Variants in SOX5 observed in about 807,000 individuals in gnomAD.
The protein encoded by SOX5 is SRY-box transcription factor 5, also known as transcription factor SOX-5.
SOX5 carries 9 observed loss-of-function variants against 92.0 expected under a neutral mutation model. The ratio of observed to expected loss-of-function variants is 0.10; its 90% CI spans 0.06 to 0.17. The LOEUF is 0.17. Ranked by LOEUF, SOX5 falls within the 10% of genes least tolerant of loss-of-function variation. The probability of loss-of-function intolerance (pLI) is 1.00; values close to 1 mark genes in which losing one functional copy is unlikely to be tolerated. For missense variants in SOX5, 642 were observed against 944.5 expected (o/e 0.68, Z 4.20); for synonymous variants, 344 against 336.3 (o/e 1.02, Z -0.25).
chr12:23,990,330 T>C (rs1377307406), intron 4 of SOX5, among the ~76,000 whole-genome samples: 1 of 152,134 alleles, frequency 6.6e-6, no homozygotes, highest in African/African-American at 2.4e-5. Flanking sequence ...ATCCACAGAA[T>C]CATGTCTAAA....
intron 1 of SOX5, among the ~76,000 whole-genome samples, chr12:24,456,211 T>G (rs1943003285): frequency 6.6e-6 from 1 of 152,160 alleles, no homozygotes; most frequent in South Asian, 2.1e-4. Flanking sequence ...CAAGAACAGT[T>G]AAACAATTTC....
intron 4 of SOX5, among the ~76,000 whole-genome samples, chr12:24,195,010 G>A (rs1006968582): frequency 6.6e-6 from 1 of 152,004 alleles, no homozygotes; most frequent in Admixed American, 6.6e-5. Context: ...ATATTGTGGG[G>A]CTGGCATTAG....
At chr12:24,561,705 G>A (rs892188394) in intron 1 of SOX5, among the ~76,000 whole-genome samples, 3 of 132,166 alleles carry the variant, frequency 2.3e-5, no homozygotes, top group Non-Finnish European at 4.6e-5. Context: ...GATGAGACTT[G>A]TTTCAGAAAT....
chr12:23,668,266 T>C (rs1167210443), intron 6 of SOX5, among the ~76,000 whole-genome samples: 1 of 152,182 alleles, frequency 6.6e-6, no homozygotes, highest in East Asian at 1.9e-4. Context: ...AAGTTATATA[T>C]TGATTAGCTG....
At chr12:24,394,372 T>C (rs1009365368) in intron 1 of SOX5, among the ~76,000 whole-genome samples, 5 of 152,182 alleles carry the variant, frequency 3.3e-5, no homozygotes, top group Admixed American at 3.3e-4. Context: ...TCAGGAATCA[T>C]TGCAGAGGCT....
chr12:23,543,444 G>C, intron 12 of SOX5, 60 bp from the exon 13 acceptor site: 1 of 1,317,996 alleles, frequency 7.6e-7, no homozygotes, highest in Non-Finnish European at 1.1e-6. Context: ...TCTTTTCCTT[G>C]CATTCCTATT....
intron 2 of SOX5, among the ~76,000 whole-genome samples, chr12:24,340,970 G>A (rs772684109): frequency 1.1e-4 from 17 of 152,278 alleles, no homozygotes; most frequent in East Asian, 5.8e-4. Flanking sequence ...TACTCTGTGC[G>A]TCTAGCTCTA....
chr12:24,164,119 A>G (rs906857744), intron 4 of SOX5, among the ~76,000 whole-genome samples: 6 of 152,086 alleles, frequency 3.9e-5, no homozygotes, highest in African/African-American at 1.4e-4. Flanking sequence ...GAAATATTCC[A>G]TAAGTTTGTA....
chr12:23,817,507 T>C (rs982321341), intron 3 of SOX5, among the ~76,000 whole-genome samples: 1 of 152,196 alleles, frequency 6.6e-6, no homozygotes, highest in Admixed American at 6.5e-5. Context: ...AATATCCAGA[T>C]AAGCTGGCAT....
intron 3 of SOX5, among the ~76,000 whole-genome samples, chr12:23,804,250 T>C (rs139745867): frequency 6.6e-6 from 1 of 152,154 alleles, no homozygotes; most frequent in African/African-American, 2.4e-5. Flanking sequence ...GGCTGCATCA[T>C]ATTAACGTGA....
rs1417439387 is a variant in SOX5, at chr12:24,393,671, T to C, written c.-250-25032A>G. Among the ~76,000 whole-genome samples the C allele has an allele frequency of 6.6e-6, 1 of 152,224 alleles. No individual in the cohort carries two copies. Among genetic ancestry groups the C allele is most frequent in the Non-Finnish European group, 1.5e-5 (1 of 68,038 alleles). On this transcript the variant is annotated intron_variant, in intron 1 of 4. Coordinates refer to the SOX5 transcript ENST00000446891. This position sits in a 1 kb window ranked among gnomAD's most constrained non-coding sequence, Gnocchi z 5.0. ...TGGCCCTTGTCATGGAAACTAGTGC[T>C]TAATGTAGAAATTATTAAAATTTGG...
intron 8 of SOX5, among the ~76,000 whole-genome samples, chr12:23,618,938 A>C (rs1216624200): frequency 6.6e-6 from 1 of 152,158 alleles, no homozygotes; most frequent in Non-Finnish European, 1.5e-5. Flanking sequence ...TCCAAGGCCA[A>C]GGGTTAAAGG....
At position 23,837,321 on chromosome 12, in the gene SOX5, A is replaced by G. The variant is rs1407726259; in HGVS notation, c.481+8662T>C. Among the ~76,000 whole-genome samples the G allele has an allele frequency of 7.1e-4, 66 of 92,940 alleles. 2 individuals are homozygous for G. The highest frequency in any genetic ancestry group is 1.3e-3 in the African/African-American group (28 of 22,128). The allele number at this position is 92,940 out of a possible 152,430, so 61.0% of individuals were successfully genotyped here. ...TAATATATAAGATATATTTATATTT[A>G]TATAATATATAAGATATATTTATAT... On this transcript the variant is annotated intron_variant, in intron 3 of 14. Coordinates refer to ENST00000451604, the MANE Select transcript of SOX5 (RefSeq NM_006940.6).
chr12:24,304,258 T>A (rs1225256733), intron 2 of SOX5, among the ~76,000 whole-genome samples: 1 of 152,122 alleles, frequency 6.6e-6, no homozygotes, highest in Admixed American at 6.5e-5. Context: ...ATACAATTCT[T>A]CTAAGAAATG....
At chr12:23,574,420 A>T (rs1248732742) in intron 10 of SOX5, among the ~76,000 whole-genome samples, 2 of 152,072 alleles carry the variant, frequency 1.3e-5, no homozygotes. Context: ...CTCCCCTTTC[A>T]TTGTTAATAG....
chr12:23,899,409 G>GA (rs754805392), intron 1 of SOX5, among the ~76,000 whole-genome samples: 19,722 of 119,942 alleles, frequency 0.16, 2,086 homozygotes, highest in East Asian at 0.54. Context: ...TGAAAAAAAA[G>GA]AAAAAAAAAA....
At chr12:24,075,833 C>T (rs1942512657) in intron 4 of SOX5, among the ~76,000 whole-genome samples, 1 of 152,104 alleles carries the variant, frequency 6.6e-6, no homozygotes, top group Admixed American at 6.6e-5. Flanking sequence ...AGTAAAATCA[C>T]AGTAACACAT....
At chr12:24,389,681 A>G (rs1958793008) in intron 1 of SOX5, among the ~76,000 whole-genome samples, 1 of 152,220 alleles carries the variant, frequency 6.6e-6, no homozygotes. Context: ...TCTGCTATGA[A>G]CACTGTATAT....
At chr12:24,004,103 C>A (rs907120405) in intron 4 of SOX5, among the ~76,000 whole-genome samples, 1 of 151,424 alleles carries the variant, frequency 6.6e-6, no homozygotes, top group Admixed American at 6.6e-5. Context: ...ATCCATGAGC[C>A]AAAAGATAAA....
Sources: allele counts gnomAD v4.1 joint callset (sites outside exome capture counted in the v4.1 genomes callset), GRCh38; gene constraint gnomAD v4.1.1; non-coding constraint Gnocchi (gnomAD v3.1); transcripts MANE v1.5; gene names NCBI Gene and HGNC (gene_info 2026-07-23, HGNC 2026-07-21).